The following CPEB1 variants were observed in gnomAD, a reference collection of about 807,000 sequenced individuals.
CPEB1 encodes cytoplasmic polyadenylation element binding protein 1, also known as cytoplasmic polyadenylation element-binding protein 1.
In CPEB1, 7 loss-of-function variants were observed where a neutral mutation model predicts 65.8. The ratio of observed to expected loss-of-function variants is 0.11; its 90% CI spans 0.06 to 0.20. The LOEUF is 0.20. Among genes scored for constraint, CPEB1 ranks in the 10% least tolerant of loss-of-function variants. The pLI is 1.00. For missense variants in CPEB1, 551 were observed against 712.2 expected, an observed-to-expected ratio of 0.77 and a Z score of 2.58; for synonymous variants, 262 against 260.0, an observed-to-expected ratio of 1.01 and a Z score of -0.08.
intron 3 of CPEB1, among the ~76,000 whole-genome samples, chr15:82,597,141 A>C (rs1033845956): frequency 1.3e-5 from 2 of 152,230 alleles, no homozygotes; most frequent in African/African-American, 4.8e-5. Flanking sequence ...ACTGGGCAAC[A>C]CAGGGAGACC....
chr15:82,628,606 C>T (rs1316309638), intron 1 of CPEB1, 50 bp from the exon 2 acceptor site: 3 of 595,452 alleles, frequency 5.0e-6, no homozygotes, highest in Non-Finnish European at 8.9e-6. Flanking sequence ...AACATTTTTA[C>T]AGAAATGAAA....
At chr15:82,575,209 G>C (rs942216453) in intron 3 of CPEB1, among the ~76,000 whole-genome samples, 2 of 152,168 alleles carry the variant, frequency 1.3e-5, no homozygotes, top group Admixed American at 1.3e-4. Context: ...CAATATACCA[G>C]ACTTAAAGCA....
intron 1 of CPEB1, among the ~76,000 whole-genome samples, chr15:82,636,230 C>G (rs1188685510): frequency 6.6e-6 from 1 of 152,168 alleles, no homozygotes; most frequent in Non-Finnish European, 1.5e-5. Context: ...ACTTCCTGTT[C>G]ATCCTCTCAA....
intron 6 of CPEB1, among the ~76,000 whole-genome samples, chr15:82,555,162 C>T (rs1015224017): frequency 6.6e-6 from 1 of 151,364 alleles, no homozygotes; most frequent in African/African-American, 2.4e-5. Context: ...ACATTTAATA[C>T]ATATTTAGGA....
intron 3 of CPEB1, among the ~76,000 whole-genome samples, chr15:82,604,441 G>C (rs1447462584): frequency 3.3e-5 from 5 of 149,326 alleles, no homozygotes; most frequent in Admixed American, 6.7e-5. Flanking sequence ...GAGATTGATC[G>C]CGCCACTACA....
At chr15:82,631,414 T>C (rs1003540449) in intron 1 of CPEB1, among the ~76,000 whole-genome samples, 2 of 151,684 alleles carry the variant, frequency 1.3e-5, no homozygotes, top group African/African-American at 2.4e-5. Context: ...CTTAACCAAT[T>C]TGGAAGGAAA....
intron 3 of CPEB1, among the ~76,000 whole-genome samples, chr15:82,602,352 G>C (rs979550344): frequency 2.6e-5 from 4 of 152,136 alleles, no homozygotes; most frequent in African/African-American, 9.7e-5. Flanking sequence ...TCCATGCTGA[G>C]CGGGAAATTT....
intron 1 of CPEB1, among the ~76,000 whole-genome samples, chr15:82,632,624 T>A (rs890221156): frequency 6.6e-6 from 1 of 152,074 alleles, no homozygotes; most frequent in East Asian, 1.9e-4. Flanking sequence ...CAAGCAATCT[T>A]CCTGCCTCAG....
Position 82,646,587 on chromosome 15 carries a change from G to A in CPEB1, c.-98+550C>T, listed in dbSNP as rs77252216. 3.7e-3 allele frequency among the ~76,000 whole-genome samples: 558 copies of A among 152,292 alleles called. 4 individuals are homozygous for A. The highest frequency in any genetic ancestry group is 0.013 in the African/African-American group (521 of 41,558). ...CGGTGCAAGGGGCCAGGGCTGCAGGGAGCAAAGTGCCCCCGAAAAATAAGC... is the reference window on the plus strand; with the variant it reads ...CGGTGCAAGGGGCCAGGGCTGCAGGAAGCAAAGTGCCCCCGAAAAATAAGC... On this transcript the variant is annotated intron_variant, in intron 1 of 12. Transcript: ENST00000684509.
intron 3 of CPEB1, among the ~76,000 whole-genome samples, chr15:82,602,148 T>C (rs979498037): frequency 1.3e-5 from 2 of 152,174 alleles, no homozygotes; most frequent in African/African-American, 4.8e-5. Flanking sequence ...ACTAAAATTA[T>C]GTTAGAGGAT....
At chr15:82,627,503 A>C (rs2045872518) in intron 2 of CPEB1, 136 bp from the exon 3 acceptor site, 2 of 623,596 alleles carry the variant, frequency 3.2e-6, no homozygotes, top group East Asian at 5.9e-5. Context: ...ATGAGTGTTT[A>C]CTATGAGCTA....
At chr15:82,559,977 G>A (rs922335917) in intron 4 of CPEB1, among the ~76,000 whole-genome samples, 8 of 152,106 alleles carry the variant, frequency 5.3e-5, no homozygotes, top group Non-Finnish European at 1.2e-4. Flanking sequence ...CCAGCTACTC[G>A]GGAAGCTGAG....
intron 3 of CPEB1, among the ~76,000 whole-genome samples, chr15:82,620,001 C>T (rs1040547048): frequency 6.6e-6 from 1 of 152,160 alleles, no homozygotes; most frequent in Non-Finnish European, 1.5e-5. Context: ...ACTCAAATGC[C>T]TATTAACAGT....
At chr15:82,596,697 CAA>C (rs59895391) in intron 3 of CPEB1, among the ~76,000 whole-genome samples, 2,379 of 89,136 alleles carry the variant, frequency 0.027, 37 homozygotes, top group African/African-American at 0.09. Flanking sequence ...GACTCTGTCT[CAA>C]AAAAAAAAAA....
chr15:82,546,514 A>G lies in CPEB1; in HGVS notation c.1583T>C (p.Ile528Thr), dbSNP rs2035239776. 4 of 1,613,698 alleles carry G rather than the reference A, an allele frequency of 2.5e-6. No individual in the cohort carries two copies. The highest frequency in any genetic ancestry group is 1.3e-5 in the African/African-American group (1 of 74,920). The change falls in exon 12 of 13, where the codon ATT becomes ACT. Residue 528 changes from isoleucine to threonine, a missense_variant. Physicochemically the swap from Ile to Thr is moderately conservative, Grantham distance 89. This residue lies in a region of CPEB1 where 98 missense variants were observed against 157.6 expected (regional missense o/e 0.62). Coordinates refer to ENST00000684509, the MANE Select transcript of CPEB1 (RefSeq NM_001365242.1). ...CAGAGAATCTTCTAGGTAGGGGTCA[A>G]TCTGAACCTGCACAAAGGCAAAATA... ...KTTKFTKKVQ[I>T]DPYLEDSLCH...
At chr15:82,558,085 G>T in intron 4 of CPEB1, 99 bp from the exon 5 acceptor site, 1 of 773,758 alleles carries the variant, frequency 1.3e-6, no homozygotes. Context: ...GATACCAAAG[G>T]CAAGACAACT....
chr15:82,589,208 C>T (rs1812597340), intron 3 of CPEB1, among the ~76,000 whole-genome samples: 2 of 152,244 alleles, frequency 1.3e-5, no homozygotes, highest in Admixed American at 1.3e-4. Context: ...ACCTCTTAAA[C>T]ATCCCAAGTT....
intron 3 of CPEB1, among the ~76,000 whole-genome samples, chr15:82,591,004 C>T (rs1178188211): frequency 1.1e-4 from 17 of 152,008 alleles, no homozygotes; most frequent in Admixed American, 1.1e-3. Flanking sequence ...TATGGTAAAA[C>T]GATTTATATT....
intron 3 of CPEB1, among the ~76,000 whole-genome samples, chr15:82,616,285 GTTTTA>G (rs2044700007): frequency 6.6e-6 from 1 of 152,002 alleles, no homozygotes; most frequent in Non-Finnish European, 1.5e-5. Flanking sequence ...CTCAGTGTAT[GTTTTA>G]TTTACATAAA....
Sources: gnomAD v4.1 joint callset for allele counts (sites outside exome capture counted in the v4.1 genomes callset) on GRCh38, gnomAD v4.1.1 for gene constraint, gnomAD v4.1.1 regional missense constraint, MANE v1.5 for transcripts, NCBI Gene and HGNC (gene_info 2026-07-23, HGNC 2026-07-21) for gene names.